The following RP9 variants were observed in gnomAD, a reference collection of about 807,000 sequenced individuals.
The protein encoded by RP9 is RP9 pre-mRNA splicing factor.
Under a neutral mutation model 32.6 loss-of-function variants are expected in RP9, and 23 were observed. That is an observed-to-expected ratio of 0.71 (90% CI 0.51 to 1.00). The LOEUF is 1.00. Among genes scored for constraint, RP9 ranks in the 50% least tolerant of loss-of-function variants. The pLI, the probability that RP9 is intolerant of heterozygous loss-of-function variation, is 0.00. For missense variants in RP9, 245 were observed against 285.3 expected, an observed-to-expected ratio of 0.86 and a Z score of 1.02; for synonymous variants, 94 against 103.6, an observed-to-expected ratio of 0.91 and a Z score of 0.56.
chr7:33,101,528 G>A (rs1788424681), intron 1 of RP9, among the ~76,000 whole-genome samples: 2 of 151,932 alleles, frequency 1.3e-5, no homozygotes, highest in South Asian at 4.2e-4. Context: ...CTTGAACCTG[G>A]GAGGCAGAAG....
chr7:33,097,902 G>A (rs1025658171), intron 3 of RP9, among the ~76,000 whole-genome samples: 3 of 152,110 alleles, frequency 2.0e-5, no homozygotes, highest in Admixed American at 1.3e-4. Flanking sequence ...TTACAGGCGT[G>A]AGCCACCACG....
intron 1 of RP9, among the ~76,000 whole-genome samples, chr7:33,107,455 G>A (rs1788514666): frequency 6.6e-6 from 1 of 152,210 alleles, no homozygotes. Flanking sequence ...GGGCTGGGCA[G>A]GGCCAGGCAT....
chr7:33,101,007 A>AT (rs79059350), intron 1 of RP9: 2,995 of 272,296 alleles, frequency 0.011, no homozygotes, highest in South Asian at 0.022. Context: ...TTAGGGAAGT[A>AT]TTTTTTTTTT....
At chr7:33,097,094 A>G (rs2128031805) in intron 4 of RP9, among the ~76,000 whole-genome samples, 177 bp downstream of exon 4, 1 of 152,304 alleles carries the variant, frequency 6.6e-6, no homozygotes, top group East Asian at 1.9e-4. Context: ...TTTGTAAAAG[A>G]GCTAATTTGT....
rs557061786 is a variant in RP9, at chr7:33,097,214, T to C, written c.405+57A>G. On this transcript the variant is annotated intron_variant, in intron 4 of 5. Coordinates refer to ENST00000297157, the MANE Select transcript of RP9 (RefSeq NM_203288.2). ...TCAAGTTCACTGGTGACTTTCTGCT[T>C]CACTGATTTTCACTATCTCTGATAA... 1.2e-5 allele frequency: 16 copies of C among 1,311,780 alleles called. No individual in the cohort carries two copies. The African/African-American group carries it at 2.2e-4, about 18-fold the overall frequency. 81.3% of individuals were successfully genotyped at this position (1,311,780 alleles called of 1,614,324 possible). A position where few individuals can be genotyped will look rare whatever the true frequency, so the allele number is the denominator to read the frequency against.
intron 1 of RP9, among the ~76,000 whole-genome samples, chr7:33,105,218 G>A (rs1788481742): frequency 2.6e-5 from 4 of 152,150 alleles, no homozygotes; most frequent in Admixed American, 2.6e-4. Flanking sequence ...GTAGTTATGT[G>A]TGGAAAAAGT....
At chr7:33,105,441 T>C (rs1788485561) in intron 1 of RP9, among the ~76,000 whole-genome samples, 1 of 151,858 alleles carries the variant, frequency 6.6e-6, no homozygotes, top group Non-Finnish European at 1.5e-5. Flanking sequence ...AGAACAAGTC[T>C]CCCACAAAGC....
chr7:33,099,248 ACT>A, intron 3 of RP9, 57 bp downstream of exon 3: 1 of 1,582,860 alleles, frequency 6.3e-7, no homozygotes, highest in Non-Finnish European at 8.7e-7. Flanking sequence ...AGAAGTAAAC[ACT>A]CTTTGTAAAT....
intron 5 of RP9, among the ~76,000 whole-genome samples, chr7:33,095,833 T>G (rs1788324481): frequency 6.6e-6 from 1 of 152,088 alleles, no homozygotes; most frequent in Non-Finnish European, 1.5e-5. Flanking sequence ...ATGTCTAATT[T>G]TTTTCTTTTT....
At chr7:33,097,179 A>C in intron 4 of RP9, 92 bp downstream of exon 4, 1 of 932,360 alleles carries the variant, frequency 1.1e-6, no homozygotes, top group South Asian at 1.3e-5. Context: ...AATGTATTTT[A>C]TGTGACCATT....
At chr7:33,106,868 C>T (rs1333800080) in intron 1 of RP9, among the ~76,000 whole-genome samples, 1 of 151,684 alleles carries the variant, frequency 6.6e-6, no homozygotes, top group African/African-American at 2.4e-5. Context: ...CGCTTGAACC[C>T]AGGAAGTGGA....
At chr7:33,098,443 C>T (rs967035780) in intron 3 of RP9, among the ~76,000 whole-genome samples, 2 of 152,024 alleles carry the variant, frequency 1.3e-5, no homozygotes, top group African/African-American at 4.8e-5. Context: ...GGTCTCTGGC[C>T]AGGGAGACCA....
In RP9 at chr7:33,098,280, C is replaced by G. The variant is rs117990952; in HGVS notation, c.314-918G>C. Among the ~76,000 whole-genome samples the G allele has an allele frequency of 1.6e-4, 25 of 152,268 alleles. No individual in the cohort carries two copies. The East Asian group carries it at 4.7e-3, about 28-fold the overall frequency. ...CGCATGCCTGTAGTCCCAGCTATCT[C>G]AGAGGCTGATGTGAGATCACCTGAT... is the stretch of plus-strand genomic sequence containing the variant. On this transcript the variant is annotated intron_variant, in intron 3 of 5. Transcript: ENST00000297157.
intron 3 of RP9, 139 bp from the exon 4 acceptor site, chr7:33,097,501 G>C: frequency 1.5e-6 from 1 of 662,632 alleles, no homozygotes; most frequent in Non-Finnish European, 2.6e-6. Context: ...AGCCATGTAA[G>C]ATCCCAGAAA....
intron 1 of RP9, chr7:33,100,828 G>A (rs1245654099): frequency 1.6e-5 from 10 of 615,268 alleles, no homozygotes; most frequent in South Asian, 3.2e-5. Flanking sequence ...TGCTGAGCAC[G>A]CAAGTCTCCA....
At chr7:33,106,574 A>G (rs1042936971) in intron 1 of RP9, among the ~76,000 whole-genome samples, 2 of 152,248 alleles carry the variant, frequency 1.3e-5, no homozygotes, top group African/African-American at 4.8e-5. Flanking sequence ...GTAAAGAACT[A>G]AATCCTTACT....
chr7:33,104,464 TA>T (rs200500069), intron 1 of RP9, among the ~76,000 whole-genome samples: 3,735 of 142,050 alleles, frequency 0.026, 99 homozygotes, highest in East Asian at 0.14. Flanking sequence ...AAATAAAAGT[TA>T]AAAAAAAAAA....
chr7:33,106,161 GTTTT>G (rs200910013), intron 1 of RP9, among the ~76,000 whole-genome samples: 1 of 148,326 alleles, frequency 6.7e-6, no homozygotes, highest in East Asian at 2.0e-4. Flanking sequence ...TTATATTGCT[GTTTT>G]TTTTTTGTTT....
chr7:33,095,134 C>G lies in RP9; in HGVS notation c.*100G>C, dbSNP rs1167131276. ...CTCACTGCTGTGACCCACATATACT[C>G]CTCTCTCGGCGTCTCTATCCTGCTG... On this transcript the variant is annotated 3_prime_UTR_variant, in exon 6 of 6. Transcript: ENST00000297157. The G allele has an allele frequency of 7.0e-7, 1 of 1,423,008 alleles. No homozygotes were observed. The highest frequency in any genetic ancestry group is 1.4e-5 in the African/African-American group (1 of 70,580). 88.1% of individuals were successfully genotyped at this position (1,423,008 alleles called of 1,614,324 possible). A position where few individuals can be genotyped will look rare whatever the true frequency, so the allele number is the denominator to read the frequency against.
Sources: allele counts gnomAD v4.1 joint callset (sites outside exome capture counted in the v4.1 genomes callset), GRCh38; gene constraint gnomAD v4.1.1; transcripts MANE v1.5; gene names NCBI Gene and HGNC (gene_info 2026-07-23, HGNC 2026-07-21).